The following TGFA variants were observed in gnomAD, a reference collection of about 807,000 sequenced individuals.
The protein encoded by TGFA is transforming growth factor alpha.
TGFA carries 12 observed loss-of-function variants against 21.7 expected under a neutral mutation model. That is an observed-to-expected ratio of 0.55 (90% CI 0.35 to 0.90). The LOEUF is 0.90. Among genes scored for constraint, TGFA ranks in the 40% least tolerant of loss-of-function variants. The pLI, the probability that TGFA is intolerant of heterozygous loss-of-function variation, is 0.01. For missense variants in TGFA, 178 were observed against 210.8 expected (o/e 0.84, Z 0.96); for synonymous variants, 79 against 88.1 (o/e 0.90, Z 0.58).
chr2:70,502,554 C>T (rs375138109), intron 2 of TGFA, among the ~76,000 whole-genome samples: 4 of 151,998 alleles, frequency 2.6e-5, no homozygotes, highest in African/African-American at 7.3e-5. Flanking sequence ...CTCCTGACCT[C>T]GAGTGATCTG....
intron 2 of TGFA, among the ~76,000 whole-genome samples, chr2:70,475,383 TG>T (rs1205118566): frequency 6.6e-6 from 1 of 152,066 alleles, no homozygotes; most frequent in Non-Finnish European, 1.5e-5. Context: ...ATGAAGAAAG[TG>T]GAGCTGAGGG....
intron 2 of TGFA, among the ~76,000 whole-genome samples, chr2:70,491,664 G>T (rs1313994343): frequency 6.6e-6 from 1 of 152,202 alleles, no homozygotes; most frequent in Admixed American, 6.5e-5. Context: ...GCATAACAGG[G>T]TCCCATGCAC....
At chr2:70,472,793 G>T (rs1425961873) in intron 2 of TGFA, among the ~76,000 whole-genome samples, 1 of 152,230 alleles carries the variant, frequency 6.6e-6, no homozygotes, top group Non-Finnish European at 1.5e-5. Context: ...TTGTGAACAC[G>T]TTTGCCCATT....
intron 3 of TGFA, 98 bp from the exon 4 acceptor site, chr2:70,456,586 G>T: frequency 7.0e-7 from 1 of 1,431,008 alleles, no homozygotes; most frequent in Non-Finnish European, 9.4e-7. Flanking sequence ...AGAGCCTGCA[G>T]GTAAAGCCCA....
Position 70,521,606 on chromosome 2 carries a change from GTTGTTTGT to G in TGFA, c.41-6702_41-6695del, listed in dbSNP as rs1464520681. Among the ~76,000 whole-genome samples, 8 of 98,222 alleles carry G rather than the reference GTTGTTTGT, an allele frequency of 8.1e-5. No homozygotes were observed. The South Asian group carries it at 1.1e-3, about 14-fold the overall frequency. 64.4% of individuals were successfully genotyped at this position (98,222 alleles called of 152,430 possible). On this transcript the variant is annotated intron_variant, in intron 1 of 5. Transcript: ENST00000295400. ...GCTACTATTGATAGTTTTTTTTGTT[GTTGTTTGT>G]TTGTTTTTTTTTTTTTTTTTTTTTG... is the stretch of plus-strand genomic sequence containing the variant.
chr2:70,453,071 A>C (rs1553489907), intron 5 of TGFA, 147 bp downstream of exon 5: 1 of 717,684 alleles, frequency 1.4e-6, no homozygotes, highest in Non-Finnish European at 2.3e-6. Context: ...CCTATGAATA[A>C]ACTAAACCTG....
intron 5 of TGFA, among the ~76,000 whole-genome samples, chr2:70,451,075 C>T (rs1014540056): frequency 6.6e-6 from 1 of 151,048 alleles, no homozygotes; most frequent in South Asian, 2.1e-4. Context: ...GCTAGAGAGA[C>T]TGATTGAAAG....
intron 2 of TGFA, among the ~76,000 whole-genome samples, chr2:70,504,138 G>A (rs1671825955): frequency 1.3e-5 from 2 of 152,042 alleles, no homozygotes; most frequent in Non-Finnish European, 1.5e-5. Flanking sequence ...TACAGGCTGG[G>A]CACGGGGACT....
At chr2:70,538,862 A>T (rs1673049610) in intron 1 of TGFA, among the ~76,000 whole-genome samples, 1 of 152,224 alleles carries the variant, frequency 6.6e-6, no homozygotes, top group African/African-American at 2.4e-5. Context: ...TTCTGCTATG[A>T]GTAAAATGCT....
intron 1 of TGFA, among the ~76,000 whole-genome samples, chr2:70,547,878 T>A (rs548832425): frequency 1.3e-5 from 2 of 148,644 alleles, no homozygotes; most frequent in Non-Finnish European, 3.0e-5. Context: ...GATATATATA[T>A]CTATAGATAG....
chr2:70,506,476 G>A (rs1447831418), intron 2 of TGFA, among the ~76,000 whole-genome samples: 2 of 152,206 alleles, frequency 1.3e-5, no homozygotes, highest in Non-Finnish European at 2.9e-5. Flanking sequence ...AACAGAGTCA[G>A]CAGGATGACT....
chr2:70,519,225 T>C (rs1672377818), intron 1 of TGFA, among the ~76,000 whole-genome samples: 1 of 152,022 alleles, frequency 6.6e-6, no homozygotes, highest in African/African-American at 2.4e-5. Flanking sequence ...CAGGAAGTAG[T>C]TAGTGGTACG....
intron 2 of TGFA, among the ~76,000 whole-genome samples, chr2:70,476,109 T>TAAAAAAAAAA (rs1670926055): frequency 3.9e-4 from 31 of 78,486 alleles, no homozygotes; most frequent in Admixed American, 9.3e-4. Context: ...AAAAAAAAAT[T>TAAAAAAAAAA]AAGAAAATTA....
rs143749696 is a variant in TGFA at position 70,485,245 on chromosome 2, C to G, written c.95-19509G>C. On this transcript the variant is annotated intron_variant, in intron 2 of 5. Coordinates refer to ENST00000295400, the MANE Select transcript of TGFA (RefSeq NM_003236.4). ...ACGCCTACCTTCACAGTCATCCCCCCCCTTTCTTTTTGAGACAGACTCTTG... is the reference window on the plus strand; with the variant it reads ...ACGCCTACCTTCACAGTCATCCCCCGCCTTTCTTTTTGAGACAGACTCTTG... Among the ~76,000 whole-genome samples the G allele has an allele frequency of 2.6e-5, 4 of 152,186 alleles. No homozygotes were observed. The East Asian group carries it at 5.8e-4, about 22-fold the overall frequency.
chr2:70,527,028 T>C (rs782811038), intron 1 of TGFA, among the ~76,000 whole-genome samples: 4 of 152,268 alleles, frequency 2.6e-5, no homozygotes, highest in Non-Finnish European at 5.9e-5. Flanking sequence ...CCAGACACTT[T>C]AGAAGACAGT....
chr2:70,476,003 T>G (rs1320146896), intron 2 of TGFA, among the ~76,000 whole-genome samples: 1 of 139,408 alleles, frequency 7.2e-6, no homozygotes, highest in Admixed American at 7.8e-5. Flanking sequence ...AAGCTCCTCT[T>G]CCTCCTCATG....
intron 2 of TGFA, among the ~76,000 whole-genome samples, chr2:70,483,668 T>C (rs1050862932): frequency 6.6e-6 from 1 of 152,240 alleles, no homozygotes; most frequent in Non-Finnish European, 1.5e-5. Flanking sequence ...TTCCTTTTTT[T>C]ACCTGTCTGC....
chr2:70,507,038 A>G (rs1282054084), intron 2 of TGFA, among the ~76,000 whole-genome samples: 4 of 152,276 alleles, frequency 2.6e-5, no homozygotes, highest in Admixed American at 2.0e-4. Context: ...CAACTCATCC[A>G]GACAGCAAAG....
At chr2:70,473,537 G>A (rs968278360) in intron 2 of TGFA, among the ~76,000 whole-genome samples, 1 of 151,922 alleles carries the variant, frequency 6.6e-6, no homozygotes, top group African/African-American at 2.4e-5. Flanking sequence ...GGGGCTGTGT[G>A]TGCAGGCAGA....
Sources: allele counts gnomAD v4.1 joint callset (sites outside exome capture counted in the v4.1 genomes callset), GRCh38; gene constraint gnomAD v4.1.1; transcripts MANE v1.5; gene names NCBI Gene and HGNC (gene_info 2026-07-23, HGNC 2026-07-21).